The following WWOX variants were observed in gnomAD, a reference collection of about 807,000 sequenced individuals.
The protein encoded by WWOX is WW domain-containing oxidoreductase.
WWOX carries 69 observed loss-of-function variants against 46.2 expected under a neutral mutation model. That is an observed-to-expected ratio of 1.49 (90% CI 1.23 to 1.82). The LOEUF (loss-of-function observed/expected upper bound fraction) is 1.82. Ranked by LOEUF, WWOX falls within the 40% of genes most tolerant of loss-of-function variation. WWOX has a pLI of 0.00. For missense variants in WWOX, 919 were observed against 542.6 expected (o/e 1.69, Z -6.89); for synonymous variants, 359 against 202.6 (o/e 1.77, Z -6.56).
chr16:78,380,670 G>T (rs998261452), intron 5 of WWOX, among the ~76,000 whole-genome samples: 1 of 152,080 alleles, frequency 6.6e-6, no homozygotes, highest in Non-Finnish European at 1.5e-5. Flanking sequence ...TACTGATCAG[G>T]TATCATGTTC....
chr16:78,182,382 C>T (rs2035557810), intron 5 of WWOX, among the ~76,000 whole-genome samples: 1 of 152,082 alleles, frequency 6.6e-6, no homozygotes, highest in Non-Finnish European at 1.5e-5. Flanking sequence ...CCAACCATAT[C>T]AAACTCACTG....
At chr16:78,799,515 A>G (rs1329745266) in intron 8 of WWOX, among the ~76,000 whole-genome samples, 2 of 152,158 alleles carry the variant, frequency 1.3e-5, no homozygotes, top group African/African-American at 4.8e-5. Context: ...TCGTCATCAC[A>G]TGTCATTTTA....
intron 4 of WWOX, among the ~76,000 whole-genome samples, chr16:78,121,033 C>T (rs1419109728): frequency 6.6e-6 from 1 of 151,870 alleles, no homozygotes; most frequent in African/African-American, 2.4e-5. Flanking sequence ...GGGGCCATAG[C>T]TAACTTACAT....
chr16:78,724,523 G>A (rs186256976), intron 8 of WWOX, among the ~76,000 whole-genome samples: 7 of 152,090 alleles, frequency 4.6e-5, no homozygotes, highest in Middle Eastern at 3.4e-3. Context: ...GTTCTTTATC[G>A]ACATTATTAC....
chr16:78,905,218 G>A (rs1328495600), intron 8 of WWOX, among the ~76,000 whole-genome samples: 2 of 152,176 alleles, frequency 1.3e-5, no homozygotes, highest in African/African-American at 2.4e-5. Context: ...TCTCAGGAGA[G>A]GAGGAGGAAG....
intron 8 of WWOX, among the ~76,000 whole-genome samples, chr16:78,454,137 G>T (rs2083755281): frequency 6.6e-6 from 1 of 152,132 alleles, no homozygotes; most frequent in Non-Finnish European, 1.5e-5. Flanking sequence ...CGTTTCTTGA[G>T]GATTGGTCTC....
In WWOX at chr16:79,160,189, A is replaced by C. The variant is rs78700212; in HGVS notation, c.1057-51419A>C. On this transcript the variant is annotated intron_variant, in intron 8 of 8. Transcript: ENST00000566780. Reference sequence around the variant, plus strand: ...AAATGAACACTGGTCTGTTTGTTCAAGATGGGAGCTGTCAGTTGTGAGAGC... The same window carrying C: ...AAATGAACACTGGTCTGTTTGTTCACGATGGGAGCTGTCAGTTGTGAGAGC... 8.1e-3 allele frequency among the ~76,000 whole-genome samples: 1,239 copies of C among 152,336 alleles called. 16 individuals carry two copies. The highest frequency in any genetic ancestry group is 0.028 in the African/African-American group (1,175 of 41,570).
chr16:78,171,707 A>AT (rs1328505428), intron 5 of WWOX, among the ~76,000 whole-genome samples: 1 of 152,118 alleles, frequency 6.6e-6, no homozygotes, highest in African/African-American at 2.4e-5. Context: ...TTTGTTCCTC[A>AT]TTTCTTTGCT....
chr16:78,502,503 G>A (rs540461019), intron 8 of WWOX, among the ~76,000 whole-genome samples: 3 of 152,316 alleles, frequency 2.0e-5, no homozygotes, highest in Admixed American at 6.5e-5. Flanking sequence ...CCCTGCGACA[G>A]CATCTACCAG....
At chr16:79,156,740 T>A (rs1013210821) in intron 8 of WWOX, among the ~76,000 whole-genome samples, 3 of 152,022 alleles carry the variant, frequency 2.0e-5, no homozygotes, top group Admixed American at 6.6e-5. Context: ...GGGGCCTGTG[T>A]TCAAAGTCTT....
intron 8 of WWOX, among the ~76,000 whole-genome samples, chr16:78,919,130 C>G (rs775009648): frequency 6.6e-6 from 1 of 152,108 alleles, no homozygotes; most frequent in Non-Finnish European, 1.5e-5. Context: ...AAACAACACA[C>G]GGAACAATGA....
intron 1 of WWOX, among the ~76,000 whole-genome samples, chr16:78,101,332 C>G (rs1489464048): frequency 9.8e-6 from 1 of 102,558 alleles, no homozygotes; most frequent in Non-Finnish European, 2.2e-5. Flanking sequence ...CAGGCGTGAG[C>G]TACCGCTCCC....
intron 5 of WWOX, among the ~76,000 whole-genome samples, chr16:78,376,397 G>A (rs1048687949): frequency 2.0e-5 from 3 of 152,190 alleles, no homozygotes; most frequent in East Asian, 3.8e-4. Context: ...ACTCTGGAAG[G>A]ATTTGAACCA....
At chr16:79,061,519 C>G (rs898700296) in intron 8 of WWOX, among the ~76,000 whole-genome samples, 181 of 152,280 alleles carry the variant, frequency 1.2e-3, no homozygotes, top group African/African-American at 4.2e-3. Flanking sequence ...ACCCATTCAA[C>G]AATTAGAAGC....
At chr16:78,999,448 C>A (rs1036671436) in intron 8 of WWOX, among the ~76,000 whole-genome samples, 2 of 152,114 alleles carry the variant, frequency 1.3e-5, no homozygotes, top group African/African-American at 4.8e-5. Flanking sequence ...CCAGCCTGGG[C>A]AGCAGGAGCG....
At chr16:78,570,803 T>A (rs1235552408) in intron 8 of WWOX, among the ~76,000 whole-genome samples, 1 of 151,810 alleles carries the variant, frequency 6.6e-6, no homozygotes, top group Admixed American at 6.6e-5. Flanking sequence ...CAAACAAACA[T>A]GGCACTGGGC....
At chr16:78,661,486 T>C (rs1053776044) in intron 8 of WWOX, among the ~76,000 whole-genome samples, 1 of 152,198 alleles carries the variant, frequency 6.6e-6, no homozygotes, top group Non-Finnish European at 1.5e-5. Context: ...GAACAGTTAT[T>C]TGTCTGGATT....
intron 8 of WWOX, among the ~76,000 whole-genome samples, chr16:79,051,985 C>T (rs1035658224): frequency 2.9e-4 from 44 of 151,916 alleles, no homozygotes; most frequent in Admixed American, 1.2e-3. Flanking sequence ...CAAGTTACTT[C>T]GTCCTTCCTT....
At chr16:79,106,717 C>T (rs1461424462) in intron 8 of WWOX, 1 of 148,014 alleles carries the variant, frequency 6.8e-6, no homozygotes, top group Non-Finnish European at 1.5e-5. Flanking sequence ...TCTCCTGCCT[C>T]AAGCAACTCT....
Sources: gnomAD v4.1 joint callset for allele counts (sites outside exome capture counted in the v4.1 genomes callset) on GRCh38, gnomAD v4.1.1 for gene constraint, MANE v1.5 for transcripts, NCBI Gene and HGNC (gene_info 2026-07-23, HGNC 2026-07-21) for gene names.